DENND1B: variants seen among roughly 807,000 people sequenced by gnomAD.
DENND1B encodes the protein DENN domain-containing protein 1B.
In DENND1B, 59 loss-of-function variants were observed where a neutral mutation model predicts 90.1. The observed-to-expected ratio is 0.65, with a 90% CI of 0.53 to 0.81. The LOEUF is 0.81. Among genes scored for constraint, DENND1B ranks in the 40% least tolerant of loss-of-function variants. The probability of loss-of-function intolerance (pLI) is 0.00; values close to 1 mark genes in which losing one functional copy is unlikely to be tolerated. For missense variants in DENND1B, 862 were observed against 912.6 expected (o/e 0.94, Z 0.71); for synonymous variants, 337 against 324.6 (o/e 1.04, Z -0.41).
At chr1:197,771,192 G>A (rs1161517326) in intron 2 of DENND1B, among the ~76,000 whole-genome samples, 1 of 152,098 alleles carries the variant, frequency 6.6e-6, no homozygotes, top group Non-Finnish European at 1.5e-5. Context: ...GATTATAGGC[G>A]TGAGCCACCG....
chr1:197,590,314 C>T (rs973852733), intron 14 of DENND1B, among the ~76,000 whole-genome samples: 9 of 152,018 alleles, frequency 5.9e-5, no homozygotes, highest in Non-Finnish European at 7.4e-5. Flanking sequence ...AGTTGGTCAC[C>T]GAATGAGGAT....
intron 15 of DENND1B, 78 bp from the exon 16 acceptor site, chr1:197,553,190 G>T: frequency 8.3e-7 from 1 of 1,206,984 alleles, no homozygotes. Context: ...ATTTTATAAG[G>T]TTAGATTTTT....
intron 2 of DENND1B, chr1:197,747,258 A>G: frequency 3.2e-6 from 2 of 634,384 alleles, no homozygotes; most frequent in Non-Finnish European, 2.9e-6. Flanking sequence ...GACACTCTTC[A>G]TAGGCATTTA....
intron 2 of DENND1B, among the ~76,000 whole-genome samples, chr1:197,719,114 G>C (rs1277089556): frequency 6.6e-6 from 1 of 152,132 alleles, no homozygotes; most frequent in African/African-American, 2.4e-5. Context: ...GTAGGAAGGA[G>C]GTGGCCGATT....
At chr1:197,534,777 T>A (rs1187974086) in intron 20 of DENND1B, among the ~76,000 whole-genome samples, 1 of 152,218 alleles carries the variant, frequency 6.6e-6, no homozygotes, top group African/African-American at 2.4e-5. Context: ...AACTAGACTT[T>A]AACCACATCC....
intron 8 of DENND1B, among the ~76,000 whole-genome samples, chr1:197,646,320 C>T (rs752397513): frequency 7.2e-5 from 11 of 151,790 alleles, no homozygotes; most frequent in Non-Finnish European, 1.5e-4. Context: ...TTCTTAAACA[C>T]GTAGTAATCC....
At chr1:197,560,176 A>T (rs1219977160) in intron 15 of DENND1B, among the ~76,000 whole-genome samples, 1 of 152,068 alleles carries the variant, frequency 6.6e-6, no homozygotes, top group East Asian at 1.9e-4. Flanking sequence ...AATGTGCTAA[A>T]GAATTTAGTC....
At chr1:197,781,973 T>A in the DENND1B span, among the ~76,000 whole-genome samples, 1 of 152,194 alleles carries the variant, frequency 6.6e-6, no homozygotes, top group Non-Finnish European at 1.5e-5. Context: ...CCAAAAATTG[T>A]AAATAAATTT....
chr1:197,725,437 C>T (rs1221279393), intron 2 of DENND1B, among the ~76,000 whole-genome samples: 2 of 151,888 alleles, frequency 1.3e-5, no homozygotes, highest in South Asian at 2.1e-4. Context: ...GAAATTGTAA[C>T]AGAAAAATTC....
rs1558184034 is a variant in DENND1B, at chr1:197,509,781, T to G, written c.*679A>C. On this transcript the variant is annotated 3_prime_UTR_variant, in exon 23 of 23. Coordinates refer to ENST00000620048, the MANE Select transcript of DENND1B (RefSeq NM_001195215.2). ...TAACTTCACATTGTAATTCAGCACT[T>G]CCTATATTTCACTGAATGAAAGGTA... is the stretch of plus-strand genomic sequence containing the variant. 6.6e-6 allele frequency: 1 copy of G among 152,196 alleles called. No individual in the cohort carries two copies. The highest frequency in any genetic ancestry group is 1.5e-5 in the Non-Finnish European group (1 of 67,826). The allele number at this position is 152,196 out of a possible 1,614,324, so 9.4% of individuals were successfully genotyped here. A position where few individuals can be genotyped will look rare whatever the true frequency, so the allele number is the denominator to read the frequency against.
At chr1:197,667,230 T>C (rs1572251358) in intron 5 of DENND1B, among the ~76,000 whole-genome samples, 1 of 152,236 alleles carries the variant, frequency 6.6e-6, no homozygotes, top group Admixed American at 6.5e-5. Context: ...AAATTAATTT[T>C]AGGTGTCATA....
At chr1:197,638,275 A>G (rs556814290) in intron 10 of DENND1B, among the ~76,000 whole-genome samples, 2 of 152,330 alleles carry the variant, frequency 1.3e-5, no homozygotes, top group East Asian at 3.9e-4. Context: ...GCACTACACA[A>G]TCAAATCTCT....
At chr1:197,759,668 G>A (rs562558976) in intron 2 of DENND1B, among the ~76,000 whole-genome samples, 84 of 149,946 alleles carry the variant, frequency 5.6e-4, no homozygotes, top group African/African-American at 1.6e-3. Flanking sequence ...GCGTGAACCC[G>A]GGAGGTGGAG....
At chr1:197,634,897 G>A (rs1679640080) in intron 10 of DENND1B, among the ~76,000 whole-genome samples, 1 of 152,184 alleles carries the variant, frequency 6.6e-6, no homozygotes, top group East Asian at 1.9e-4. Flanking sequence ...AGGCTGAGGT[G>A]TGGAAAGATG....
intron 13 of DENND1B, among the ~76,000 whole-genome samples, chr1:197,599,184 TAAGTA>T (rs1196978732): frequency 6.6e-6 from 1 of 151,820 alleles, no homozygotes; most frequent in African/African-American, 2.4e-5. Flanking sequence ...GCACTCAGTC[TAAGTA>T]ATGAAGTAAT....
At chr1:197,746,833 C>T (rs1222755483) in intron 2 of DENND1B, 2 of 1,611,558 alleles carry the variant, frequency 1.2e-6, no homozygotes, top group Non-Finnish European at 1.7e-6. Context: ...TGGGGGCAGC[C>T]TGTGAATTTT....
At chr1:197,551,202 C>T (rs1281382143) in intron 16 of DENND1B, among the ~76,000 whole-genome samples, 3 of 151,820 alleles carry the variant, frequency 2.0e-5, no homozygotes, top group African/African-American at 7.3e-5. Context: ...AATCCTAACA[C>T]ATTTTGCTTT....
chr1:197,635,296 T>C (rs772321546), intron 10 of DENND1B, among the ~76,000 whole-genome samples: 5 of 152,152 alleles, frequency 3.3e-5, no homozygotes, highest in Non-Finnish European at 5.9e-5. Context: ...CTTCAATACA[T>C]ACATGAACAC....
intron 5 of DENND1B, among the ~76,000 whole-genome samples, chr1:197,660,443 A>T (rs1283414710): frequency 6.6e-6 from 1 of 152,136 alleles, no homozygotes; most frequent in African/African-American, 2.4e-5. Context: ...CATTCCATAA[A>T]GAAAAAATAG....
Sources: allele counts gnomAD v4.1 joint callset (sites outside exome capture counted in the v4.1 genomes callset), GRCh38; gene constraint gnomAD v4.1.1; transcripts MANE v1.5; gene names NCBI Gene and HGNC (gene_info 2026-07-23, HGNC 2026-07-21).